Variants in DHRSX observed in about 807,000 individuals in gnomAD.
DHRSX encodes dehydrogenase/reductase X-linked.
In DHRSX, 31 loss-of-function variants were observed where a neutral mutation model predicts 34.0. The observed-to-expected ratio is 0.91, with a 90% CI of 0.69 to 1.23. The LOEUF (loss-of-function observed/expected upper bound fraction) is 1.23, where lower values mean the gene tolerates loss of function less well. Among genes scored for constraint, DHRSX ranks in the 50% most tolerant of loss-of-function variants. The pLI is 0.00. For synonymous variants in DHRSX, 201 were observed against 183.8 expected (o/e 1.09, Z -0.76); for missense variants, 414 against 428.1 (o/e 0.97, Z 0.29).
intron 1 of DHRSX, among the ~76,000 whole-genome samples, chrX:2,465,808 GCA>G (rs1491303153): frequency 2.2e-4 from 15 of 67,848 alleles, no homozygotes; most frequent in African/African-American, 1.4e-3. Flanking sequence ...AAACTCCATC[GCA>G]AAAAAAAAAA....
intron 1 of DHRSX, 149 bp from the exon 2 acceptor site, chrX:2,425,453 AGGAGG>A: frequency 1.4e-6 from 1 of 714,576 alleles, no homozygotes; most frequent in East Asian, 2.7e-5. Context: ...CCACAGGCTC[AGGAGG>A]CATGAATGTA....
chrX:2,381,012 T>C (rs2043195959), intron 3 of DHRSX, among the ~76,000 whole-genome samples: 1 of 152,048 alleles, frequency 6.6e-6, no homozygotes. Flanking sequence ...ATTACAGGTG[T>C]GCACCACCAC....
chrX:2,312,175 C>T (rs193083579), intron 3 of DHRSX, among the ~76,000 whole-genome samples: 43 of 152,186 alleles, frequency 2.8e-4, no homozygotes, highest in Middle Eastern at 3.4e-3. Context: ...TCTCCACCCC[C>T]GACCAAGCAT....
At chrX:2,344,346 G>A (rs1297859696) in intron 3 of DHRSX, among the ~76,000 whole-genome samples, 11 of 152,240 alleles carry the variant, frequency 7.2e-5, no homozygotes, top group African/African-American at 2.6e-4. Flanking sequence ...GTCAGGAAAC[G>A]AGAGATGCTG....
At chrX:2,401,951 G>A (rs1276877330) in intron 3 of DHRSX, among the ~76,000 whole-genome samples, 3 of 152,180 alleles carry the variant, frequency 2.0e-5, no homozygotes, top group South Asian at 2.1e-4. Context: ...CTGTGGGCAC[G>A]TAGCTTCCCA....
At chrX:2,468,402 G>A (rs2044530282) in intron 1 of DHRSX, among the ~76,000 whole-genome samples, 1 of 150,748 alleles carries the variant, frequency 6.6e-6, no homozygotes, top group Non-Finnish European at 1.5e-5. Flanking sequence ...TGGGATGGTC[G>A]CTGACAGAGG....
intron 3 of DHRSX, among the ~76,000 whole-genome samples, chrX:2,392,007 G>A (rs1489141694): frequency 6.6e-6 from 1 of 152,200 alleles, no homozygotes; most frequent in Non-Finnish European, 1.5e-5. Flanking sequence ...GATCCATGGG[G>A]ATGAGTCAGC....
intron 3 of DHRSX, among the ~76,000 whole-genome samples, chrX:2,311,651 G>A (rs2042166849): frequency 2.0e-5 from 3 of 152,192 alleles, no homozygotes; most frequent in Admixed American, 2.0e-4. Context: ...ACCCAAGGGC[G>A]AGAAGTCAAT....
intron 1 of DHRSX, among the ~76,000 whole-genome samples, chrX:2,468,229 G>T (rs1263365369): frequency 1.3e-5 from 2 of 152,164 alleles, no homozygotes; most frequent in African/African-American, 4.8e-5. Flanking sequence ...AGCAAAGGAA[G>T]CCTGTGATGT....
chrX:2,314,206 G>C (rs867272176), intron 3 of DHRSX, among the ~76,000 whole-genome samples: 3 of 33,092 alleles, frequency 9.1e-5, no homozygotes, highest in African/African-American at 1.5e-4. Context: ...GGAAGGAAGA[G>C]AGGGAGGGAA....
chrX:2,320,598 G>C (rs1007873620), intron 3 of DHRSX, among the ~76,000 whole-genome samples: 8 of 34,294 alleles, frequency 2.3e-4, no homozygotes, highest in Admixed American at 1.5e-3. Context: ...GCCTGGCCCT[G>C]CAAGTCTGTT....
chrX:2,309,814 G>A (rs781064885), intron 3 of DHRSX, among the ~76,000 whole-genome samples: 2 of 152,304 alleles, frequency 1.3e-5, no homozygotes, highest in South Asian at 4.1e-4. Context: ...GTGGGAGGCT[G>A]AGGTGGCAGG....
intron 5 of DHRSX, among the ~76,000 whole-genome samples, chrX:2,256,319 C>G (rs2041278302): frequency 6.8e-6 from 1 of 147,698 alleles, no homozygotes; most frequent in Non-Finnish European, 1.5e-5. Context: ...GAGAGGGAGT[C>G]TTGCTCTGGA....
intron 5 of DHRSX, among the ~76,000 whole-genome samples, chrX:2,249,389 G>A (rs1057448173): frequency 2.1e-5 from 3 of 145,874 alleles, no homozygotes; most frequent in South Asian, 2.2e-4. Context: ...TAGTAGAGAC[G>A]GGGTTTCACC....
At chrX:2,425,655 C>A (rs1404784154) in intron 1 of DHRSX, among the ~76,000 whole-genome samples, 2 of 152,180 alleles carry the variant, frequency 1.3e-5, no homozygotes, top group African/African-American at 4.8e-5. Flanking sequence ...GCTCTCAGGG[C>A]AGCACTGAGC....
chrX:2,490,824 G>A, intron 1 of DHRSX: 1 of 1,486,796 alleles, frequency 6.7e-7, no homozygotes, highest in East Asian at 2.3e-5. Flanking sequence ...GGCACGCACG[G>A]GAGCCCTGCC....
intron 3 of DHRSX, among the ~76,000 whole-genome samples, chrX:2,389,418 G>A (rs73630296): frequency 0.12 from 17,800 of 152,110 alleles, 3,434 homozygotes; most frequent in African/African-American, 0.4. Context: ...GCGGTAACCT[G>A]GGAGGGGGTG....
At chrX:2,327,946 G>A (rs191198089) in intron 3 of DHRSX, among the ~76,000 whole-genome samples, 282 of 152,196 alleles carry the variant, frequency 1.9e-3, no homozygotes, top group Non-Finnish European at 3.0e-3. Flanking sequence ...TAGGCATGGT[G>A]GCACGCACCT....
In DHRSX at chrX:2,478,740, C is replaced by G. The variant is rs1204879676; in HGVS notation, c.109+22077G>C. Among the ~76,000 whole-genome samples the G allele has an allele frequency of 6.0e-5, 9 of 149,518 alleles. No homozygotes were observed. In the East Asian group the frequency reaches 1.8e-3, roughly 30 times the overall value. On this transcript the variant is annotated intron_variant, in intron 1 of 6. Transcript: ENST00000334651. ...ACCAGGGCTGTGACTGAAGACGTTC[C>G]CCAAGCGTGCGGCCAAGGGACCACC...
Sources: allele counts gnomAD v4.1 joint callset (sites outside exome capture counted in the v4.1 genomes callset), GRCh38; gene constraint gnomAD v4.1.1; transcripts MANE v1.5; gene names NCBI Gene and HGNC (gene_info 2026-07-23, HGNC 2026-07-21).